AMMECR1: variants seen among roughly 807,000 people sequenced by gnomAD.
AMMECR1 encodes the protein AMMECR nuclear protein 1, also known as nuclear protein AMMECR1.
Under a neutral mutation model 22.5 loss-of-function variants are expected in AMMECR1, and 3 were observed. That is an observed-to-expected ratio of 0.13 (90% CI 0.06 to 0.35). AMMECR1 has a LOEUF of 0.35. AMMECR1 is among the 10% of genes least tolerant of loss of function. The pLI is 1.00. For synonymous variants in AMMECR1, 130 were observed against 116.7 expected (o/e 1.11, Z -0.74); for missense variants, 235 against 278.7 (o/e 0.84, Z 1.12).
At chrX:110,219,724 G>A (rs908334524) in intron 2 of AMMECR1, 13 of 382,846 alleles carry the variant, frequency 3.4e-5, no homozygotes, top group Non-Finnish European at 4.3e-5. Context: ...CAAACATACT[G>A]ATTTCAAAAC....
intron 2 of AMMECR1, among the ~76,000 whole-genome samples, chrX:110,395,756 G>A (rs1419353731): frequency 9.0e-6 from 1 of 111,225 alleles, no homozygotes; most frequent in Non-Finnish European, 1.9e-5. Context: ...AAATCTCCTG[G>A]GAATGAGGAT....
In AMMECR1 at chrX:110,303,180, C is replaced by T. The variant is rs1007609897; in HGVS notation, c.473+14419G>A. Among the ~76,000 whole-genome samples the T allele has an allele frequency of 5.0e-4, 56 of 111,611 alleles. 1 individual carries two copies. The highest frequency in any genetic ancestry group is 1.7e-3 in the African/African-American group (51 of 30,719). On this transcript the variant is annotated intron_variant, in intron 1 of 5. Coordinates refer to ENST00000262844, the MANE Select transcript of AMMECR1 (RefSeq NM_015365.3). The stretch of plus-strand genomic sequence containing the variant: ...CTTATCTGAATTTCTCTAGACTGAG[C>T]GGAAATAAACAGAAGCAAAGGTTCT...
At chrX:110,218,651 T>C (rs1258418874) in intron 2 of AMMECR1, among the ~76,000 whole-genome samples, 2 of 110,117 alleles carry the variant, frequency 1.8e-5, no homozygotes, top group East Asian at 5.6e-4. Flanking sequence ...TATTGAGATA[T>C]AATTCACATA....
intron 2 of AMMECR1, among the ~76,000 whole-genome samples, chrX:110,367,536 G>A (rs976754482): frequency 3.6e-5 from 4 of 111,277 alleles, no homozygotes; most frequent in African/African-American, 1.3e-4. Flanking sequence ...AGGACACCAT[G>A]TAATTCTTGG....
chrX:110,250,917 T>C (rs900217855), intron 2 of AMMECR1, among the ~76,000 whole-genome samples: 1 of 112,010 alleles, frequency 8.9e-6, no homozygotes, highest in African/African-American at 3.2e-5. Context: ...CAACCTCATG[T>C]CAATTTGTTT....
At chrX:110,340,725 ACT>A (rs2068161146) in intron 2 of AMMECR1, among the ~76,000 whole-genome samples, 1 of 112,526 alleles carries the variant, frequency 8.9e-6, no homozygotes, top group African/African-American at 3.2e-5. Context: ...TTGTTTATTG[ACT>A]CTGAATCACA....
intron 2 of AMMECR1, among the ~76,000 whole-genome samples, chrX:110,375,980 C>T (rs1276791931): frequency 9.0e-6 from 1 of 110,931 alleles, no homozygotes; most frequent in Admixed American, 9.6e-5. Flanking sequence ...CCTGTCTGTC[C>T]TTAAAAAAAT....
intron 1 of AMMECR1, among the ~76,000 whole-genome samples, chrX:110,303,255 A>AT (rs1390934836): frequency 1.8e-5 from 2 of 111,241 alleles, no homozygotes; most frequent in Admixed American, 9.5e-5. Flanking sequence ...ACCTACATCC[A>AT]TTTTTTTCAC....
chrX:110,352,169 A>T (rs1042622811), intron 2 of AMMECR1, among the ~76,000 whole-genome samples: 1 of 112,437 alleles, frequency 8.9e-6, no homozygotes, highest in African/African-American at 3.2e-5. Context: ...CATTTTCTCA[A>T]AAAGTTAAAC....
chrX:110,329,862 G>T (rs755210868), intron 2 of AMMECR1, among the ~76,000 whole-genome samples: 1 of 112,015 alleles, frequency 8.9e-6, no homozygotes, highest in East Asian at 2.8e-4. Context: ...TGTTTAAGGT[G>T]TATATGAAAC....
chrX:110,266,684 CTCTT>C (rs1043724429), intron 1 of AMMECR1, among the ~76,000 whole-genome samples: 1 of 108,440 alleles, frequency 9.2e-6, no homozygotes, highest in Non-Finnish European at 1.9e-5. Context: ...CCCAGCCTGT[CTCTT>C]TTTTTTTTTT....
intron 1 of AMMECR1, among the ~76,000 whole-genome samples, chrX:110,306,164 A>AC (rs2067993724): frequency 9.4e-6 from 1 of 106,513 alleles, no homozygotes; most frequent in Non-Finnish European, 1.9e-5. Context: ...GGTGGCGGGC[A>AC]CCTGTGGTCC....
intron 1 of AMMECR1, among the ~76,000 whole-genome samples, chrX:110,311,531 A>G (rs964362178): frequency 1.2e-4 from 13 of 111,095 alleles, no homozygotes; most frequent in Admixed American, 8.6e-4. Context: ...TTCCAATGAC[A>G]TATAATTTCC....
At chrX:110,345,636 C>T (rs1039484377) in intron 2 of AMMECR1, among the ~76,000 whole-genome samples, 1 of 110,613 alleles carries the variant, frequency 9.0e-6, no homozygotes, top group African/African-American at 3.3e-5. Context: ...TGCTCACTAC[C>T]TGGGTGACGG....
At chrX:110,338,849 T>G (rs751578072) in intron 2 of AMMECR1, among the ~76,000 whole-genome samples, 28 of 111,755 alleles carry the variant, frequency 2.5e-4, no homozygotes, top group African/African-American at 8.1e-4. Flanking sequence ...CCTAATTAGA[T>G]TCATCAATTC....
chrX:110,251,260 T>C (rs990076598), intron 2 of AMMECR1, among the ~76,000 whole-genome samples: 1 of 111,699 alleles, frequency 9.0e-6, no homozygotes, highest in African/African-American at 3.3e-5. Flanking sequence ...TGTTAAGTGT[T>C]ATAATAGAGG....
chrX:110,323,491 T>C (rs1569406897), intron 2 of AMMECR1, among the ~76,000 whole-genome samples: 1 of 112,225 alleles, frequency 8.9e-6, no homozygotes, highest in Non-Finnish European at 1.9e-5. Context: ...TTCATATACA[T>C]GGAATCATAT....
intron 1 of AMMECR1, among the ~76,000 whole-genome samples, chrX:110,431,915 T>C (rs2068799888): frequency 8.9e-6 from 1 of 111,789 alleles, no homozygotes; most frequent in African/African-American, 3.3e-5. Flanking sequence ...GAGTTGACAC[T>C]GTCCAAAGGG....
chrX:110,213,993 G>A (rs2148169213), intron 3 of AMMECR1, among the ~76,000 whole-genome samples: 1 of 111,108 alleles, frequency 9.0e-6, no homozygotes, highest in South Asian at 3.8e-4. Context: ...GCCAGGCACG[G>A]TGGCTCACGC....
Sources: gnomAD v4.1 joint callset for allele counts (sites outside exome capture counted in the v4.1 genomes callset) on GRCh38, gnomAD v4.1.1 for gene constraint, MANE v1.5 for transcripts, NCBI Gene and HGNC (gene_info 2026-07-23, HGNC 2026-07-21) for gene names.